The following DENND4C variants were observed in gnomAD, a reference collection of about 807,000 sequenced individuals.
DENND4C encodes DENN domain containing 4C.
Under a neutral mutation model 203.0 loss-of-function variants are expected in DENND4C, and 108 were observed. The observed-to-expected ratio is 0.53, with a 90% CI of 0.46 to 0.62. DENND4C has a LOEUF of 0.62. Ranked by LOEUF, DENND4C falls within the 20% of genes least tolerant of loss-of-function variation. The pLI, the probability that DENND4C is intolerant of heterozygous loss-of-function variation, is 0.00. For synonymous variants in DENND4C, 871 were observed against 792.4 expected (o/e 1.10, Z -1.67); for missense variants, 2,481 against 2,301.2 (o/e 1.08, Z -1.60).
chr9:19,316,529 G>A lies in DENND4C; in HGVS notation c.1588+12G>A, dbSNP rs775687283. ...CCAGCTGTCTTCAGGTAATGTGAGG[G>A]AAAAGGAATATTATTAATGAAGGAA... On this transcript the variant is annotated intron_variant, in intron 11 of 32. Transcript: ENST00000434457. 2.5e-6 allele frequency: 4 copies of A among 1,607,124 alleles called. No homozygotes were observed. In the African/African-American group the frequency reaches 5.4e-5, roughly 22 times the overall value.
intron 12 of DENND4C, 63 bp from the exon 13 acceptor site, chr9:19,324,299 T>C (rs1843359626): frequency 1.6e-6 from 2 of 1,267,472 alleles, no homozygotes; most frequent in Non-Finnish European, 2.2e-6. Flanking sequence ...ACAAGTTTAA[T>C]GTTTCCTATA....
intron 13 of DENND4C, among the ~76,000 whole-genome samples, chr9:19,324,929 G>C (rs1450054199): frequency 1.3e-5 from 2 of 152,032 alleles, no homozygotes; most frequent in African/African-American, 4.8e-5. Flanking sequence ...TATTGCCCAG[G>C]CTGGTCTCAA....
chr9:19,279,645 C>T (rs1211392567), intron 2 of DENND4C, among the ~76,000 whole-genome samples: 1 of 151,434 alleles, frequency 6.6e-6, no homozygotes. Flanking sequence ...CCACTGGGCT[C>T]CAGTCTGGGC....
chr9:19,278,660 T>C (rs1833405441), intron 2 of DENND4C, among the ~76,000 whole-genome samples: 1 of 152,234 alleles, frequency 6.6e-6, no homozygotes, highest in African/African-American at 2.4e-5. Context: ...AAAGGATGAT[T>C]TGTCTTTATC....
At chr9:19,248,189 C>T (rs1397027562) in intron 1 of DENND4C, among the ~76,000 whole-genome samples, 1 of 152,174 alleles carries the variant, frequency 6.6e-6, no homozygotes, top group Admixed American at 6.6e-5. Context: ...AAAGGCCTTA[C>T]TTCTTTTCTC....
At chr9:19,243,263 C>G (rs1056367443) in intron 1 of DENND4C, among the ~76,000 whole-genome samples, 2 of 152,132 alleles carry the variant, frequency 1.3e-5, no homozygotes, top group African/African-American at 4.8e-5. Flanking sequence ...TCTTTTGTAA[C>G]TGGCTTCTTT....
chr9:19,339,266 T>C (rs1444626111), intron 20 of DENND4C, among the ~76,000 whole-genome samples: 2 of 152,232 alleles, frequency 1.3e-5, no homozygotes, highest in Non-Finnish European at 2.9e-5. Context: ...AACATTGATA[T>C]ACCACTTTAT....
intron 1 of DENND4C, among the ~76,000 whole-genome samples, chr9:19,257,659 A>G (rs377610094): frequency 2.6e-5 from 4 of 152,358 alleles, no homozygotes; most frequent in South Asian, 2.1e-4. Flanking sequence ...CTGATCAGAC[A>G]TAAAAGAGAA....
chr9:19,285,141 C>T (rs922257424), intron 2 of DENND4C, among the ~76,000 whole-genome samples: 2 of 152,098 alleles, frequency 1.3e-5, no homozygotes, highest in Non-Finnish European at 2.9e-5. Context: ...ATTTAAAAAT[C>T]CATTCTTCCC....
chr9:19,325,890 A>G (rs777402096), intron 13 of DENND4C, 49 bp from the exon 14 acceptor site: 1 of 1,542,560 alleles, frequency 6.5e-7, no homozygotes, highest in East Asian at 2.2e-5. Context: ...AATGTCTATT[A>G]AATTCATAGT....
chr9:19,255,095 A>G (rs973535372), intron 1 of DENND4C, among the ~76,000 whole-genome samples: 1 of 152,070 alleles, frequency 6.6e-6, no homozygotes, highest in Non-Finnish European at 1.5e-5. Context: ...GCAGTGAGCC[A>G]AGATTGTGCC....
At chr9:19,320,365 A>G (rs931053444) in intron 12 of DENND4C, among the ~76,000 whole-genome samples, 1 of 152,024 alleles carries the variant, frequency 6.6e-6, no homozygotes, top group Non-Finnish European at 1.5e-5. Context: ...TGCCTGGCTA[A>G]TTTTTGTATT....
chr9:19,334,927 C>T, intron 17 of DENND4C, 50 bp from the exon 18 acceptor site: 1 of 1,467,214 alleles, frequency 6.8e-7, no homozygotes, highest in Non-Finnish European at 9.1e-7. Flanking sequence ...CTACAATTCA[C>T]AGATAGATTA....
At chr9:19,243,420 C>T (rs1438342753) in intron 1 of DENND4C, among the ~76,000 whole-genome samples, 2 of 152,180 alleles carry the variant, frequency 1.3e-5, no homozygotes, top group Admixed American at 1.3e-4. Context: ...GTGTTCGGCA[C>T]ATTCACAATG....
At chr9:19,359,728 A>C (rs1826074908) in intron 28 of DENND4C, among the ~76,000 whole-genome samples, 1 of 149,070 alleles carries the variant, frequency 6.7e-6, no homozygotes, top group Non-Finnish European at 1.5e-5. Context: ...TAACTCACAA[A>C]GTCTAGGTTG....
Position 19,290,680 on chromosome 9 carries a change from T to G in DENND4C, c.629-24T>G, listed in dbSNP as rs753657897. ...TGGAAAAGTAACTATTTAAAAAATT[T>G]ATTGTTGTCTCATTCTTCAAAAGGT... is the stretch of plus-strand genomic sequence containing the variant. On this transcript the variant is annotated intron_variant, in intron 4 of 32. Transcript: ENST00000434457. 1.3e-5 allele frequency: 17 copies of G among 1,354,782 alleles called. No individual in the cohort carries two copies. The East Asian group carries it at 4.4e-4, about 35-fold the overall frequency. 83.9% of individuals were successfully genotyped at this position (1,354,782 alleles called of 1,614,324 possible).
At chr9:19,290,914 A>G (rs368344380) in intron 5 of DENND4C, 38 bp downstream of exon 5, 3 of 1,570,350 alleles carry the variant, frequency 1.9e-6, no homozygotes, top group East Asian at 2.3e-5. Flanking sequence ...CATTTTGTCC[A>G]TGTTTTTATT....
chr9:19,256,297 G>GTTT (rs796711741), intron 1 of DENND4C, among the ~76,000 whole-genome samples: 2 of 122,588 alleles, frequency 1.6e-5, no homozygotes, highest in Non-Finnish European at 1.7e-5. Context: ...TTTCTTTTCT[G>GTTT]TTTTTTTTTT....
At chr9:19,307,579 G>T (rs1299597261) in intron 10 of DENND4C, among the ~76,000 whole-genome samples, 1 of 151,580 alleles carries the variant, frequency 6.6e-6, no homozygotes, top group African/African-American at 2.4e-5. Flanking sequence ...AGACCACCCT[G>T]GCCAACATGG....
Sources: allele counts gnomAD v4.1 joint callset (sites outside exome capture counted in the v4.1 genomes callset), GRCh38; gene constraint gnomAD v4.1.1; transcripts MANE v1.5; gene names NCBI Gene and HGNC (gene_info 2026-07-23, HGNC 2026-07-21).